The following MORN3 variants were observed in gnomAD, a reference collection of about 807,000 sequenced individuals.
The protein encoded by MORN3 is MORN repeat containing 3, also known as MORN repeat-containing protein 3.
In MORN3, 38 loss-of-function variants were observed where a neutral mutation model predicts 34.7. The ratio of observed to expected loss-of-function variants is 1.10; its 90% CI spans 0.85 to 1.44. MORN3 has a LOEUF of 1.44. Among genes scored for constraint, MORN3 ranks in the 40% most tolerant of loss-of-function variants. MORN3 has a pLI of 0.00. For missense variants in MORN3, 311 were observed against 321.7 expected (o/e 0.97, Z 0.25); for synonymous variants, 109 against 115.3 (o/e 0.95, Z 0.35).
Position 121,650,947 on chromosome 12 carries a change from T to A in MORN3, c.*704A>T, listed in dbSNP as rs1047890947. ...CCTGGGCTTCCACAGCTTTGCAAAG[T>A]TTCCATGGGATTTCAAGGTTGAGAG... On this transcript the variant is annotated 3_prime_UTR_variant, in exon 6 of 6. Transcript: ENST00000355329. The A allele has an allele frequency of 6.6e-6, 1 of 152,128 alleles. No homozygotes were observed. Among genetic ancestry groups the A allele is most frequent in the Non-Finnish European group, 1.5e-5 (1 of 68,040 alleles). The allele number at this position is 152,128 out of a possible 1,614,324, so 9.4% of individuals were successfully genotyped here. A position where few individuals can be genotyped will look rare whatever the true frequency, so the allele number is the denominator to read the frequency against.
intron 1 of MORN3, among the ~76,000 whole-genome samples, chr12:121,669,102 CA>C (rs908771920): frequency 2.0e-5 from 3 of 152,226 alleles, no homozygotes; most frequent in African/African-American, 7.2e-5. Context: ...GCCAGTTTCT[CA>C]AGACCCTCTG....
At chr12:121,652,203 G>T (rs1391164051) in intron 5 of MORN3, among the ~76,000 whole-genome samples, 2 of 151,696 alleles carry the variant, frequency 1.3e-5, no homozygotes, top group Non-Finnish European at 2.9e-5. Flanking sequence ...CAAAGTGCTG[G>T]GATTACAGGA....
upstream of MORN3, among the ~76,000 whole-genome samples, chr12:121,671,262 C>T (rs1893959782): frequency 6.6e-6 from 1 of 151,206 alleles, no homozygotes; most frequent in African/African-American, 2.4e-5. Context: ...AAAAGATTAG[C>T]CGGGCGTGGT....
chr12:121,652,885 C>T (rs782253957), intron 4 of MORN3, 77 bp from the exon 5 acceptor site: 13 of 1,532,420 alleles, frequency 8.5e-6, no homozygotes, highest in African/African-American at 1.4e-5. Flanking sequence ...CGCTGCCTGC[C>T]GTGTGGGGTG....
intron 2 of MORN3, among the ~76,000 whole-genome samples, chr12:121,658,226 AGAT>A (rs1204236206): frequency 6.6e-6 from 1 of 152,084 alleles, no homozygotes. Context: ...ATGGGCATGA[AGAT>A]GATGATGATG....
chr12:121,667,758 C>T (rs1460272324), intron 1 of MORN3, among the ~76,000 whole-genome samples: 1 of 149,854 alleles, frequency 6.7e-6, no homozygotes, highest in African/African-American at 2.5e-5. Flanking sequence ...GAGTCTTGCT[C>T]TGTCGCCCAG....
chr12:121,664,763 A>G (rs1893688353), intron 1 of MORN3, among the ~76,000 whole-genome samples: 1 of 148,400 alleles, frequency 6.7e-6, no homozygotes, highest in South Asian at 2.2e-4. Flanking sequence ...AACCTTGGGG[A>G]TTTAGAGTGG....
intron 1 of MORN3, 67 bp from the exon 2 acceptor site, chr12:121,659,415 T>G: frequency 6.3e-7 from 1 of 1,579,718 alleles, no homozygotes; most frequent in African/African-American, 1.3e-5. Context: ...TGTGCCTGCC[T>G]GAGCCTCAGG....
chr12:121,654,232 G>C (rs536669833), intron 3 of MORN3, 42 bp downstream of exon 3: 314 of 1,489,686 alleles, frequency 2.1e-4, no homozygotes, highest in Non-Finnish European at 2.7e-4. Context: ...GCTGCCGGGG[G>C]CGTGGTCGGG....
intron 1 of MORN3, among the ~76,000 whole-genome samples, chr12:121,666,985 T>C (rs147382738): frequency 2.6e-4 from 36 of 141,016 alleles, no homozygotes; most frequent in African/African-American, 9.3e-4. Flanking sequence ...GAGATGGAGA[T>C]TCGTTCTTGG....
chr12:121,671,867 T>C (rs1893978137), upstream of MORN3, among the ~76,000 whole-genome samples: 1 of 135,112 alleles, frequency 7.4e-6, no homozygotes, highest in African/African-American at 2.9e-5. Flanking sequence ...GCAAAAAGAG[T>C]GAAACTCCGT....
chr12:121,650,552 G>C lies in MORN3; in HGVS notation c.*1099C>G, dbSNP rs1555324947. On this transcript the variant is annotated 3_prime_UTR_variant, in exon 6 of 6. Coordinates refer to ENST00000355329, the MANE Select transcript of MORN3 (RefSeq NM_173855.5). The stretch of plus-strand genomic sequence containing the variant: ...AAAAAAAAAAAAAAAAAAAAAAAAG[G>C]CCAGGCTCGATGGCTCACACCTGTA... The C allele has an allele frequency of 1.8e-5, 2 of 112,272 alleles. No individual in the cohort carries two copies. The highest frequency in any genetic ancestry group is 3.1e-4 in the East Asian group (1 of 3,264). The allele number at this position is 112,272 out of a possible 1,614,324, so 7.0% of individuals were successfully genotyped here. A position where few individuals can be genotyped will look rare whatever the true frequency, so the allele number is the denominator to read the frequency against.
rs543212391 is a variant in MORN3 at position 121,658,769 on chromosome 12, C to G, written c.303+422G>C. 3.3e-5 allele frequency among the ~76,000 whole-genome samples: 5 copies of G among 152,098 alleles called. No individual in the cohort carries two copies. The South Asian group carries it at 1.0e-3, about 32-fold the overall frequency. ...GCGCCTCTGGCTGGCTTCGGCCCCC[C>G]GGGACCCTCCTCTCCTGTCCCCTGC... On this transcript the variant is annotated intron_variant, in intron 2 of 5. Transcript: ENST00000355329.
chr12:121,664,012 A>T (rs565740364), intron 1 of MORN3, among the ~76,000 whole-genome samples: 1 of 152,274 alleles, frequency 6.6e-6, no homozygotes, highest in African/African-American at 2.4e-5. Flanking sequence ...TCTACCCACC[A>T]GGCTGCTGTG....
chr12:121,665,550 G>A (rs1384330449), intron 1 of MORN3, among the ~76,000 whole-genome samples: 1 of 151,174 alleles, frequency 6.6e-6, no homozygotes, highest in Non-Finnish European at 1.5e-5. Context: ...GGCGGATCAC[G>A]AGGTCAGGAG....
intron 1 of MORN3, among the ~76,000 whole-genome samples, chr12:121,668,704 A>T (rs1893852530): frequency 6.6e-6 from 1 of 152,166 alleles, no homozygotes; most frequent in Non-Finnish European, 1.5e-5. Context: ...TTTGAGACAG[A>T]GCAAGACCTT....
upstream of MORN3, among the ~76,000 whole-genome samples, chr12:121,669,832 A>ATATT (rs1182950355): frequency 1.8e-3 from 241 of 133,600 alleles, 3 homozygotes; most frequent in Non-Finnish European, 2.0e-3. Context: ...ATATATATAT[A>ATATT]TTTTTTTTTT....
upstream of MORN3, among the ~76,000 whole-genome samples, chr12:121,672,048 C>T (rs554924801): frequency 6.6e-6 from 1 of 152,176 alleles, no homozygotes; most frequent in Non-Finnish European, 1.5e-5. Flanking sequence ...AACCTAAAAT[C>T]ACCCTCCATC....
intron 2 of MORN3, among the ~76,000 whole-genome samples, chr12:121,658,488 C>A (rs1893477000): frequency 6.7e-6 from 1 of 150,160 alleles, no homozygotes; most frequent in South Asian, 2.1e-4. Flanking sequence ...ATGGCGTGAA[C>A]CCGGGAGGCG....
Sources: allele counts gnomAD v4.1 joint callset (sites outside exome capture counted in the v4.1 genomes callset), GRCh38; gene constraint gnomAD v4.1.1; transcripts MANE v1.5; gene names NCBI Gene and HGNC (gene_info 2026-07-23, HGNC 2026-07-21).